DIAPH3: variants seen among roughly 807,000 people sequenced by gnomAD.
DIAPH3 encodes diaphanous related formin 3.
In DIAPH3, 117 loss-of-function variants were observed where a neutral mutation model predicts 144.3. The observed-to-expected ratio is 0.81, with a 90% CI of 0.70 to 0.95. The LOEUF (loss-of-function observed/expected upper bound fraction) is 0.95, where lower values mean the gene tolerates loss of function less well. DIAPH3 is among the 40% of genes least tolerant of loss of function. The pLI is 0.00. For missense variants in DIAPH3, 1,421 were observed against 1,412.7 expected (o/e 1.01, Z -0.09); for synonymous variants, 519 against 488.9 (o/e 1.06, Z -0.81).
At chr13:59,769,667 T>C (rs1010850984) in intron 27 of DIAPH3, among the ~76,000 whole-genome samples, 2 of 151,928 alleles carry the variant, frequency 1.3e-5, no homozygotes, top group Non-Finnish European at 2.9e-5. Context: ...ACTTACACTT[T>C]AGTTCCATAC....
intron 21 of DIAPH3, among the ~76,000 whole-genome samples, chr13:59,865,286 A>G (rs1325651400): frequency 6.6e-6 from 1 of 152,004 alleles, no homozygotes; most frequent in Non-Finnish European, 1.5e-5. Context: ...TTCTACTCCT[A>G]CTCATATCAT....
chr13:59,776,840 G>T (rs1211202108), intron 25 of DIAPH3, among the ~76,000 whole-genome samples: 1 of 152,028 alleles, frequency 6.6e-6, no homozygotes, highest in African/African-American at 2.4e-5. Context: ...AAAGAAAATG[G>T]AAATATGGAA....
At chr13:60,144,485 A>T (rs1421669013) in intron 1 of DIAPH3, among the ~76,000 whole-genome samples, 4 of 152,158 alleles carry the variant, frequency 2.6e-5, no homozygotes, top group African/African-American at 9.7e-5. Flanking sequence ...TATGCCATAG[A>T]GGTAGGCCCA....
At chr13:59,877,332 C>A (rs765997832) in intron 21 of DIAPH3, among the ~76,000 whole-genome samples, 16 of 152,100 alleles carry the variant, frequency 1.1e-4, no homozygotes, top group South Asian at 1.0e-3. Flanking sequence ...TTCCTATTAC[C>A]TTCTCAGTTT....
chr13:59,778,673 T>C (rs1159972420), intron 25 of DIAPH3, among the ~76,000 whole-genome samples: 3 of 152,240 alleles, frequency 2.0e-5, no homozygotes, highest in Admixed American at 6.5e-5. Flanking sequence ...AAACTCCCCA[T>C]TATCTCCTGA....
chr13:59,888,345 C>A (rs1817432210), intron 20 of DIAPH3, among the ~76,000 whole-genome samples: 2 of 152,084 alleles, frequency 1.3e-5, no homozygotes, highest in South Asian at 4.1e-4. Context: ...GCACCCTGAT[C>A]ATGGAAGTCC....
At chr13:59,968,187 T>G (rs2050162763) in intron 17 of DIAPH3, among the ~76,000 whole-genome samples, 1 of 152,224 alleles carries the variant, frequency 6.6e-6, no homozygotes, top group African/African-American at 2.4e-5. Context: ...TTATTTCATT[T>G]AGGGCTAACA....
At chr13:59,712,137 C>T (rs1051724271) in intron 27 of DIAPH3, among the ~76,000 whole-genome samples, 3 of 152,148 alleles carry the variant, frequency 2.0e-5, no homozygotes, top group African/African-American at 7.2e-5. Context: ...AAAAAGGTAA[C>T]AGCATTATAT....
At chr13:59,699,607 T>A (rs145317293) in intron 27 of DIAPH3, among the ~76,000 whole-genome samples, 1 of 152,306 alleles carries the variant, frequency 6.6e-6, no homozygotes, top group African/African-American at 2.4e-5. Context: ...AGTAATTCAC[T>A]CCATCTTAAT....
chr13:59,997,562 C>T lies in DIAPH3; in HGVS notation c.1015-4979G>A, dbSNP rs183253698. Among the ~76,000 whole-genome samples the T allele has an allele frequency of 3.9e-5, 6 of 152,098 alleles. No individual in the cohort carries two copies. The East Asian group carries it at 5.8e-4, about 15-fold the overall frequency. On this transcript the variant is annotated intron_variant, in intron 9 of 27. Coordinates refer to ENST00000400324, the MANE Select transcript of DIAPH3 (RefSeq NM_001042517.2). ...ATTTATTTTCTTTTGGGTGGATACT[C>T]GGTAATGAGACTGTTTTTTTCTAAC...
intron 27 of DIAPH3, among the ~76,000 whole-genome samples, chr13:59,711,299 C>T (rs2034724169): frequency 2.0e-5 from 3 of 152,150 alleles, no homozygotes; most frequent in Admixed American, 6.5e-5. Flanking sequence ...GCTTTCTTAT[C>T]CACAGCCCTT....
chr13:59,975,468 A>G (rs1188938561), intron 14 of DIAPH3, among the ~76,000 whole-genome samples: 1 of 152,018 alleles, frequency 6.6e-6, no homozygotes, highest in Non-Finnish European at 1.5e-5. Flanking sequence ...AGTTCAAATG[A>G]AACTATGCCA....
At chr13:60,114,803 T>C (rs1044756124) in intron 2 of DIAPH3, among the ~76,000 whole-genome samples, 1 of 151,986 alleles carries the variant, frequency 6.6e-6, no homozygotes, top group Non-Finnish European at 1.5e-5. Context: ...AAAAAAATGA[T>C]ATGACAGCTA....
chr13:60,040,492 A>C (rs2055578277), intron 5 of DIAPH3, among the ~76,000 whole-genome samples: 1 of 152,166 alleles, frequency 6.6e-6, no homozygotes, highest in Non-Finnish European at 1.5e-5. Flanking sequence ...TTTTAGGTAA[A>C]ATCACAATAA....
Position 59,666,650 on chromosome 13 carries a change from G to A in DIAPH3, c.3516C>T (p.Gly1172=), listed in dbSNP as rs1356222220. The A allele has an allele frequency of 1.2e-5, 20 of 1,613,980 alleles. No homozygotes were observed. Among genetic ancestry groups the A allele is most frequent in the Admixed American group, 6.7e-5 (4 of 59,996 alleles). The part of the protein sequence containing the change: ...SNRKKETELL[G]SFSKNESVPE... ...GAACTGATTCATTTTTAGAAAAAGAGCCAAGAAGTTCCGTTTCCTTTTTTC... is the reference window on the plus strand; with the variant it reads ...GAACTGATTCATTTTTAGAAAAAGAACCAAGAAGTTCCGTTTCCTTTTTTC... Residue 1172 remains glycine, a synonymous_variant, in exon 28 of 28, where the codon GGC becomes GGT. Coordinates refer to ENST00000400324, the MANE Select transcript of DIAPH3 (RefSeq NM_001042517.2).
rs71089521 is a variant in DIAPH3, at chr13:60,014,969, TTTTTG to T, written c.771+939_771+943del. On this transcript the variant is annotated intron_variant, in intron 7 of 27. Transcript: ENST00000400324. ...TAAGAATTCCTCTTTTTTTCTAGTT[TTTTTG>T]TTTTGTTTTGTTTTGTTTTGTTTTG... is the stretch of plus-strand genomic sequence containing the variant. 7.6e-3 allele frequency among the ~76,000 whole-genome samples: 1,122 copies of T among 147,098 alleles called. 6 individuals carry two copies. Among genetic ancestry groups the T allele is most frequent in the Middle Eastern group, 0.014 (4 of 294 alleles).
chr13:60,052,959 T>TAAAAAAAAAAAAACAAAAAAAAA (rs2056409382), intron 4 of DIAPH3, among the ~76,000 whole-genome samples: 1 of 40,660 alleles, frequency 2.5e-5, no homozygotes, highest in Non-Finnish European at 4.0e-5. Flanking sequence ...GACTCCCTCT[T>TAAAAAAAAAAAAACAAAAAAAAA]AAAAAAAAAA....
At chr13:60,162,803 T>A (rs1453127154) in intron 1 of DIAPH3, among the ~76,000 whole-genome samples, 6 of 138,444 alleles carry the variant, frequency 4.3e-5, no homozygotes, top group East Asian at 2.5e-4. Context: ...TCTCTCTCTC[T>A]CTCTCTCACA....
chr13:60,016,106 T>C lies in DIAPH3; in HGVS notation c.666A>G (p.Leu222=), dbSNP rs2053626881. ...ESFGHEGLGL[L]LDILEKLISG... is the part of the protein sequence containing the mutation. ...TAATCAGTTTTTCCAAAATGTCTAA[T>C]AATAATCCAAGCCCTTCATGTCCAA... is the stretch of plus-strand genomic sequence containing the variant. The change falls in exon 6 of 28, where the codon TTA becomes TTG. Residue 222 remains leucine, a synonymous_variant. Coordinates refer to ENST00000400324, the MANE Select transcript of DIAPH3 (RefSeq NM_001042517.2). 6.2e-7 allele frequency: 1 copy of C among 1,613,654 alleles called. No individual in the cohort carries two copies. Among genetic ancestry groups the C allele is most frequent in the Admixed American group, 1.7e-5 (1 of 59,984 alleles).
Sources: gnomAD v4.1 joint callset for allele counts (sites outside exome capture counted in the v4.1 genomes callset) on GRCh38, gnomAD v4.1.1 for gene constraint, MANE v1.5 for transcripts, NCBI Gene and HGNC (gene_info 2026-07-23, HGNC 2026-07-21) for gene names.